Variants in CYP2C19 observed in about 807,000 individuals in gnomAD.
The protein encoded by CYP2C19 is cytochrome P450 2C19.
A neutral mutation model predicts 40.9 loss-of-function variants in CYP2C19; 59 were observed. The observed-to-expected ratio is 1.44, with a 90% confidence interval of 1.17 to 1.79. The LOEUF (loss-of-function observed/expected upper bound fraction) is 1.79. Among genes scored for constraint, CYP2C19 ranks in the 40% most tolerant of loss-of-function variants. CYP2C19 has a pLI of 0.00. For missense variants in CYP2C19, 754 were observed against 596.9 expected (o/e 1.26, Z -2.74); for synonymous variants, 253 against 208.7 (o/e 1.21, Z -1.83).
At chr10:94,797,018 C>T (rs1177472482) in intron 5 of CYP2C19, among the ~76,000 whole-genome samples, 1 of 152,100 alleles carries the variant, frequency 6.6e-6, no homozygotes, top group Admixed American at 6.5e-5. Context: ...GCGAGAACTT[C>T]CAACACTGCG....
intron 7 of CYP2C19, among the ~76,000 whole-genome samples, chr10:94,843,818 G>C (rs1196747786): frequency 6.6e-6 from 1 of 152,172 alleles, no homozygotes; most frequent in African/African-American, 2.4e-5. Flanking sequence ...ATTGCTGATA[G>C]TGGGCATCCT....
intron 5 of CYP2C19, among the ~76,000 whole-genome samples, chr10:94,787,113 C>T (rs948424217): frequency 2.3e-4 from 35 of 152,084 alleles, no homozygotes; most frequent in African/African-American, 7.0e-4. Context: ...ACATTTCCAC[C>T]AGTAGTGTAT....
intron 3 of CYP2C19, among the ~76,000 whole-genome samples, chr10:94,779,933 C>T (rs1023990218): frequency 1.3e-5 from 2 of 152,144 alleles, no homozygotes; most frequent in African/African-American, 4.8e-5. Flanking sequence ...ATTTTTTTGA[C>T]AAACTAATCT....
chr10:94,831,251 T>C (rs930551788), intron 6 of CYP2C19, among the ~76,000 whole-genome samples: 34 of 152,204 alleles, frequency 2.2e-4, no homozygotes, highest in African/African-American at 8.0e-4. Flanking sequence ...TGTGTATATG[T>C]ACTACATTTT....
At chr10:94,810,112 C>T (rs765521959) in intron 5 of CYP2C19, among the ~76,000 whole-genome samples, 67 of 152,074 alleles carry the variant, frequency 4.4e-4, no homozygotes, top group Non-Finnish European at 8.8e-4. Context: ...AAACTCCTGA[C>T]CCTGTGATCC....
chr10:94,798,260 T>C (rs1848715577), intron 5 of CYP2C19, among the ~76,000 whole-genome samples: 2 of 152,196 alleles, frequency 1.3e-5, no homozygotes, highest in South Asian at 4.1e-4. Flanking sequence ...CCAGTAGTCA[T>C]TCAGGAGCAG....
intron 6 of CYP2C19, among the ~76,000 whole-genome samples, chr10:94,832,123 A>G (rs1271884831): frequency 6.6e-6 from 1 of 152,142 alleles, no homozygotes; most frequent in Non-Finnish European, 1.5e-5. Flanking sequence ...TCTGTGTAGG[A>G]TATTAAATTT....
rs17879150 is a variant in CYP2C19 at position 94,820,986 on chromosome 10, G to T, written c.961+349G>T. 3.1e-3 allele frequency among the ~76,000 whole-genome samples: 474 copies of T among 152,292 alleles called. 3 individuals carry two copies. The highest frequency in any genetic ancestry group is 0.011 in the African/African-American group (451 of 41,568). On this transcript the variant is annotated intron_variant, in intron 6 of 8. Coordinates refer to ENST00000371321, the MANE Select transcript of CYP2C19 (RefSeq NM_000769.4). ...GTAATCCCAGCTACTTGGGGGCTGA[G>T]GCATGGGAATCGCTTGAACCCGGGT...
chr10:94,842,035 A>G (rs966518406), intron 6 of CYP2C19, among the ~76,000 whole-genome samples: 5 of 152,312 alleles, frequency 3.3e-5, no homozygotes, highest in South Asian at 2.1e-4. Flanking sequence ...ATGAAGTTCA[A>G]TATCTCCTTG....
chr10:94,789,983 A>T (rs1007595866), intron 5 of CYP2C19, among the ~76,000 whole-genome samples: 1 of 152,138 alleles, frequency 6.6e-6, no homozygotes, highest in Non-Finnish European at 1.5e-5. Flanking sequence ...TGAGCATGGA[A>T]TGTTCTTGCA....
In CYP2C19 at chr10:94,836,533, C is replaced by A. The variant is rs138819319; in HGVS notation, c.962-6304C>A. ...ATCTTACTAAATGGATATTGACTTT[C>A]TGAGTTTCCTTAATTAGTGTATATA... On this transcript the variant is annotated intron_variant, in intron 6 of 8. Coordinates refer to ENST00000371321, the MANE Select transcript of CYP2C19 (RefSeq NM_000769.4). 3.4e-3 allele frequency among the ~76,000 whole-genome samples: 516 copies of A among 152,346 alleles called. 1 individual carries two copies. The highest frequency in any genetic ancestry group is 0.012 in the African/African-American group (500 of 41,586).
At chr10:94,767,589 T>C (rs541935696) in intron 1 of CYP2C19, among the ~76,000 whole-genome samples, 2 of 152,318 alleles carry the variant, frequency 1.3e-5, no homozygotes, top group African/African-American at 4.8e-5. Context: ...AAAGGGGCCC[T>C]ATGATGGACC....
At chr10:94,771,348 T>C (rs1275617328) in intron 1 of CYP2C19, among the ~76,000 whole-genome samples, 8 of 152,110 alleles carry the variant, frequency 5.3e-5, no homozygotes, top group Admixed American at 5.2e-4. Context: ...AGCTGAAAAG[T>C]CCTCCTGTGG....
chr10:94,781,997 G>C lies in CYP2C19; in HGVS notation c.819G>C (p.Lys273Asn). Reference protein sequence around the residue: ...FIDCFLIKMEKEKQNQQSEFT... With the variant: ...FIDCFLIKMENEKQNQQSEFT... ...ATTGCTTCCTGATCAAAATGGAGAA[G>C]GTAAAATGTTAACAAAAGCTTAGTT... Residue 273 changes from lysine (K) to asparagine (N), a missense_variant and splice_region_variant, in exon 5 of 9, where the codon AAG (lysine) becomes AAC (asparagine). Physicochemically the swap from Lys to Asn is moderately conservative, Grantham distance 94 (BLOSUM62 0). Transcript: ENST00000371321. The C allele has an allele frequency of 6.5e-7, 1 of 1,534,002 alleles. No individual in the cohort carries two copies. Among genetic ancestry groups the C allele is most frequent in the Non-Finnish European group, 8.7e-7 (1 of 1,149,256 alleles).
chr10:94,820,727 G>C, intron 6 of CYP2C19, 90 bp downstream of exon 6: 1 of 1,519,778 alleles, frequency 6.6e-7, no homozygotes, highest in Non-Finnish European at 9.1e-7. Context: ...TCTTAGAGAA[G>C]TTCCATTATT....
chr10:94,846,905 C>A (rs1432728340), intron 7 of CYP2C19, among the ~76,000 whole-genome samples: 6 of 151,952 alleles, frequency 3.9e-5, no homozygotes, highest in African/African-American at 1.4e-4. Context: ...AAACAAACTA[C>A]ATGGCAATGA....
chr10:94,847,430 G>A (rs966552394), intron 7 of CYP2C19, among the ~76,000 whole-genome samples: 1 of 152,114 alleles, frequency 6.6e-6, no homozygotes, highest in East Asian at 1.9e-4. Flanking sequence ...TGGCTGTGTA[G>A]TATTCCATGG....
intron 6 of CYP2C19, among the ~76,000 whole-genome samples, chr10:94,821,775 C>G (rs1464026419): frequency 6.6e-6 from 1 of 151,826 alleles, no homozygotes; most frequent in Non-Finnish European, 1.5e-5. Flanking sequence ...TAACCTATAA[C>G]GTTCTAGAAG....
chr10:94,831,103 C>T (rs1225084307), intron 6 of CYP2C19, among the ~76,000 whole-genome samples: 1 of 152,082 alleles, frequency 6.6e-6, no homozygotes, highest in Non-Finnish European at 1.5e-5. Flanking sequence ...ATTTTAGATC[C>T]CACAAATAAG....
Sources: allele counts gnomAD v4.1 joint callset (sites outside exome capture counted in the v4.1 genomes callset), GRCh38; gene constraint gnomAD v4.1.1; transcripts MANE v1.5; gene names NCBI Gene and HGNC (gene_info 2026-07-23, HGNC 2026-07-21).